Variants in TRMT2B observed in about 807,000 individuals in gnomAD.
TRMT2B encodes tRNA (uracil-5-)-methyltransferase homolog B.
In TRMT2B, 34 loss-of-function variants were observed where a neutral mutation model predicts 39.7. That is an observed-to-expected ratio of 0.86 (90% CI 0.65 to 1.14). The LOEUF (loss-of-function observed/expected upper bound fraction) is 1.14. Among genes scored for constraint, TRMT2B ranks in the 50% most tolerant of loss-of-function variants. The pLI is 0.00. For missense variants in TRMT2B, 318 were observed against 377.2 expected, an observed-to-expected ratio of 0.84 and a Z score of 1.30; for synonymous variants, 132 against 137.3, an observed-to-expected ratio of 0.96 and a Z score of 0.27.
chrX:101,032,372 G>C (rs2087529727), intron 7 of TRMT2B, among the ~76,000 whole-genome samples: 1 of 108,200 alleles, frequency 9.2e-6, no homozygotes, highest in African/African-American at 3.4e-5. Flanking sequence ...CGAATCACGA[G>C]GTCAGGAGAT....
chrX:101,042,132 G>A lies in TRMT2B; in HGVS notation c.158C>T (p.Thr53Ile). The stretch of plus-strand genomic sequence containing the variant: ...CTGACATTTCGTGGCTATCACACGG[G>A]TGAAATCTCCCTTACATACTGTGCC... ...FLGTVCKGDF[T>I]RVIATKCQKG... The change falls in exon 3 of 14, where the codon ACC (threonine) becomes ATC (isoleucine). Residue 53 changes from threonine to isoleucine, a missense_variant. Coordinates refer to ENST00000372936, the MANE Select transcript of TRMT2B (RefSeq NM_024917.6). 9 of 1,211,993 alleles carry A rather than the reference G, an allele frequency of 7.4e-6. No individual in the cohort carries two copies. Among genetic ancestry groups the A allele is most frequent in the Non-Finnish European group, 1.0e-5 (9 of 895,545 alleles).
the TRMT2B span, chrX:100,985,932 T>G: frequency 6.0e-5 from 72 of 1,193,619 alleles, no homozygotes; most frequent in Non-Finnish European, 7.7e-5. Context: ...ATTCTGCCTT[T>G]CTGTCCTATT....
chrX:101,030,796 T>A (rs1345607485), intron 7 of TRMT2B, among the ~76,000 whole-genome samples: 2 of 110,438 alleles, frequency 1.8e-5, no homozygotes, highest in Non-Finnish European at 3.8e-5. Flanking sequence ...CTATACCTCA[T>A]TCCAGAAGGC....
rs749752081 is a variant in TRMT2B at position 101,021,302 on chromosome X, AACGGGTCAT to A, written c.856_864del (p.Met286_Arg288del). 4 of 1,207,504 alleles carry A rather than the reference AACGGGTCAT, an allele frequency of 3.3e-6. No individual in the cohort carries two copies. In the African/African-American group the frequency reaches 7.0e-5, roughly 21 times the overall value. On this transcript the variant is annotated inframe_deletion, in exon 10 of 14. Transcript: ENST00000372936. ...TGATAGGGAGACTGCTGATGGCTGCAACGGGTCATGGTACTGGAAAGGAATAAAAGAAGA... is the reference window on the plus strand; with the variant it reads ...TGATAGGGAGACTGCTGATGGCTGCAGGTACTGGAAAGGAATAAAAGAAGA...
At chrX:101,004,344 A>C in the TRMT2B span, among the ~76,000 whole-genome samples, 1 of 110,679 alleles carries the variant, frequency 9.0e-6, no homozygotes, top group African/African-American at 3.3e-5. Context: ...CACAGAAAAA[A>C]AAAACCATAT....
intron 8 of TRMT2B, among the ~76,000 whole-genome samples, chrX:101,022,850 T>C (rs1204819067): frequency 9.0e-6 from 1 of 111,337 alleles, no homozygotes; most frequent in Non-Finnish European, 1.9e-5. Flanking sequence ...AGTATTAGCT[T>C]GATACCAGGA....
the TRMT2B span, chrX:100,973,528 T>C: frequency 2.1e-6 from 2 of 945,166 alleles, no homozygotes; most frequent in Non-Finnish European, 2.9e-6. Context: ...ATGACATTTA[T>C]AGACACAGTT....
intron 9 of TRMT2B, 42 bp from the exon 10 acceptor site, chrX:101,021,357 G>T (rs376784595): frequency 9.0e-7 from 1 of 1,113,737 alleles, no homozygotes; most frequent in South Asian, 2.0e-5. Flanking sequence ...AGCTGTGAGC[G>T]GTGGCTCACG....
At position 101,042,086 on chromosome X, in the gene TRMT2B, C is replaced by T; in HGVS notation, c.204G>A (p.Lys68=). 1.7e-6 allele frequency: 2 copies of T among 1,212,085 alleles called. No individual in the cohort carries two copies. The highest frequency in any genetic ancestry group is 3.0e-5 in the East Asian group (1 of 33,863). ...CTAGTGGTCCAAGATGGCTTGGTTT[C>T]TTCTGACTTTTTTGTCCTTTCTGAC... ...TKCQKGQKSQ[K]KPSHLGPLDG... The change falls in exon 3 of 14, where the codon AAG becomes AAA. Residue 68 remains lysine, a synonymous_variant. Transcript: ENST00000372936.
chrX:101,013,982 G>A (rs1405848682), intron 13 of TRMT2B, among the ~76,000 whole-genome samples: 1 of 110,691 alleles, frequency 9.0e-6, no homozygotes, highest in Non-Finnish European at 1.9e-5. Flanking sequence ...AGCTACTTAG[G>A]AGGCTGAGGT....
At chrX:101,030,960 T>C (rs1368677670) in intron 7 of TRMT2B, among the ~76,000 whole-genome samples, 2 of 109,298 alleles carry the variant, frequency 1.8e-5, no homozygotes, top group African/African-American at 6.8e-5. Context: ...AACTATTAAC[T>C]GGTCAAAGCC....
At chrX:100,987,570 G>T in the TRMT2B span, 1 of 1,205,147 alleles carries the variant, frequency 8.3e-7, no homozygotes, top group South Asian at 1.8e-5. Flanking sequence ...CTGAGATGCC[G>T]CTATGAGATT....
chrX:101,035,522 G>T (rs2087782917), intron 7 of TRMT2B, 91 bp downstream of exon 7: 1 of 785,868 alleles, frequency 1.3e-6, no homozygotes, highest in African/African-American at 2.0e-5. Flanking sequence ...TCTAGCACTA[G>T]AATTGGCTCT....
chrX:100,985,642 T>C, the TRMT2B span: 1 of 1,187,462 alleles, frequency 8.4e-7, no homozygotes, highest in Non-Finnish European at 1.1e-6. Context: ...AAGTGATTGC[T>C]TCTCCTCTTT....
the TRMT2B span, among the ~76,000 whole-genome samples, chrX:100,985,054 G>C: frequency 8.9e-6 from 1 of 112,129 alleles, no homozygotes; most frequent in South Asian, 3.7e-4. Flanking sequence ...CAGATGGCTG[G>C]TGTGTGGGAA....
the TRMT2B span, chrX:100,990,342 T>TA: frequency 4.3e-6 from 4 of 924,057 alleles, no homozygotes; most frequent in Non-Finnish European, 5.3e-6. Flanking sequence ...ACAGAGAAAG[T>TA]AAAAGAAAGT....
At chrX:101,041,859 C>G (rs2044239641) in intron 3 of TRMT2B, among the ~76,000 whole-genome samples, 183 bp downstream of exon 3, 1 of 111,849 alleles carries the variant, frequency 8.9e-6, no homozygotes, top group Non-Finnish European at 1.9e-5. Flanking sequence ...AGAACGGTTT[C>G]TGCAACCCCA....
the TRMT2B span, among the ~76,000 whole-genome samples, chrX:101,001,278 T>C: frequency 3.6e-5 from 4 of 110,881 alleles, no homozygotes; most frequent in African/African-American, 1.3e-4. Context: ...CGCTGTTACC[T>C]AGGCTGGAGT....
At chrX:100,986,960 C>A in the TRMT2B span, 2 of 831,962 alleles carry the variant, frequency 2.4e-6, no homozygotes, top group African/African-American at 2.0e-5. Context: ...CAGCCCTTGG[C>A]CCATTCTATA....
Sources: allele counts gnomAD v4.1 joint callset (sites outside exome capture counted in the v4.1 genomes callset), GRCh38; gene constraint gnomAD v4.1.1; transcripts MANE v1.5; gene names NCBI Gene and HGNC (gene_info 2026-07-23, HGNC 2026-07-21).